Variants in C2CD3 observed in about 807,000 individuals in gnomAD.
C2CD3 encodes the protein C2 domain containing 3 centriole elongation regulator.
A neutral mutation model predicts 234.0 loss-of-function variants in C2CD3; 148 were observed. That is an observed-to-expected ratio of 0.63 (90% CI 0.55 to 0.72). The LOEUF is 0.72. Among genes scored for constraint, C2CD3 ranks in the 30% least tolerant of loss-of-function variants. The pLI is 0.00. For missense variants in C2CD3, 2,577 were observed against 2,811.5 expected (o/e 0.92, Z 1.89); for synonymous variants, 1,000 against 1,035.4 (o/e 0.97, Z 0.66).
intron 7 of C2CD3, among the ~76,000 whole-genome samples, chr11:74,131,452 G>C (rs1957678852): frequency 6.6e-6 from 1 of 151,944 alleles, no homozygotes; most frequent in Non-Finnish European, 1.5e-5. Context: ...AATCCTGCTT[G>C]GTCATAGTAT....
intron 11 of C2CD3, 69 bp from the exon 12 acceptor site, chr11:74,109,221 G>A (rs1451445016): frequency 2.7e-6 from 2 of 733,748 alleles, no homozygotes; most frequent in Non-Finnish European, 4.5e-6. Context: ...TTCATGCCTT[G>A]ATACCACCTG....
intron 8 of C2CD3, 45 bp from the exon 9 acceptor site, chr11:74,118,427 G>A: frequency 6.6e-7 from 1 of 1,506,904 alleles, no homozygotes; most frequent in South Asian, 1.2e-5. Context: ...TGCTGCTTTG[G>A]GAATTGTAGC....
At chr11:74,146,513 T>C (rs923379556) in intron 3 of C2CD3, among the ~76,000 whole-genome samples, 3 of 152,130 alleles carry the variant, frequency 2.0e-5, no homozygotes, top group South Asian at 2.1e-4. Context: ...TCCAAGGAAA[T>C]ACAGCTCTCT....
At position 74,049,333 on chromosome 11, in the gene C2CD3, A is replaced by T. The variant is rs762028403; in HGVS notation, c.5361+4T>A. On this transcript the variant is annotated splice_donor_region_variant and intron_variant, in intron 27 of 32. Coordinates refer to ENST00000334126, the MANE Select transcript of C2CD3 (RefSeq NM_001286577.2). ...TGGTTAGGGATGTGAATCTCCATAC[A>T]TACCAGTGATTTTGAGGTCTCCACT... 1.9e-6 allele frequency: 3 copies of T among 1,612,578 alleles called. No homozygotes were observed. In the East Asian group the frequency reaches 6.7e-5, roughly 36 times the overall value.
intron 31 of C2CD3, among the ~76,000 whole-genome samples, chr11:74,028,947 G>A (rs915451536): frequency 6.6e-6 from 1 of 152,204 alleles, no homozygotes. Flanking sequence ...TAGGTGCCCT[G>A]CACTGAAGGA....
intron 3 of C2CD3, among the ~76,000 whole-genome samples, chr11:74,156,383 G>A (rs1051803173): frequency 2.0e-5 from 3 of 148,276 alleles, no homozygotes; most frequent in African/African-American, 7.6e-5. Context: ...GATTGCTGGA[G>A]CCCAGGAGGT....
chr11:74,042,266 T>C, intron 28 of C2CD3, 48 bp from the exon 29 acceptor site: 2 of 1,559,920 alleles, frequency 1.3e-6, no homozygotes, highest in Non-Finnish European at 1.7e-6. Flanking sequence ...AAATTCCCAA[T>C]CAATGAGAAC....
At chr11:74,061,500 C>T (rs1263192143) in intron 24 of C2CD3, among the ~76,000 whole-genome samples, 1 of 152,166 alleles carries the variant, frequency 6.6e-6, no homozygotes, top group Non-Finnish European at 1.5e-5. Flanking sequence ...GAATTTTCAA[C>T]CCAGAATTTC....
At chr11:74,170,175 C>G (rs1328514822) in intron 1 of C2CD3, among the ~76,000 whole-genome samples, 1 of 152,112 alleles carries the variant, frequency 6.6e-6, no homozygotes, top group Non-Finnish European at 1.5e-5. Flanking sequence ...GCCCTTACCC[C>G]CACTCCAATC....
At chr11:74,015,309 T>C (rs1368925460) in intron 32 of C2CD3, among the ~76,000 whole-genome samples, 2 of 152,208 alleles carry the variant, frequency 1.3e-5, no homozygotes, top group East Asian at 3.9e-4. Flanking sequence ...TGTAGTAAGC[T>C]TCTCATTCAT....
chr11:74,117,044 G>A (rs1478294389), intron 9 of C2CD3, among the ~76,000 whole-genome samples: 91 of 48,700 alleles, frequency 1.9e-3, no homozygotes, highest in Non-Finnish European at 3.7e-3. Flanking sequence ...ATATACGTGT[G>A]TGTGTATATA....
chr11:74,039,225 T>C (rs1952895266), intron 29 of C2CD3, among the ~76,000 whole-genome samples: 1 of 152,106 alleles, frequency 6.6e-6, no homozygotes, highest in African/African-American at 2.4e-5. Flanking sequence ...TGTAGAACCA[T>C]GGCATGTCAA....
intron 7 of C2CD3, among the ~76,000 whole-genome samples, chr11:74,126,569 C>T (rs1242240677): frequency 1.3e-5 from 2 of 152,064 alleles, no homozygotes; most frequent in East Asian, 3.9e-4. Context: ...ACGGTGAAAC[C>T]CCATCTCTAC....
chr11:74,020,641 A>G (rs564950815), intron 32 of C2CD3, among the ~76,000 whole-genome samples: 1 of 152,352 alleles, frequency 6.6e-6, no homozygotes, highest in South Asian at 2.1e-4. Context: ...GAACTTAGAT[A>G]TAAGGCTGGC....
At chr11:74,154,790 T>C (rs951595952) in intron 3 of C2CD3, among the ~76,000 whole-genome samples, 3 of 152,148 alleles carry the variant, frequency 2.0e-5, no homozygotes, top group Admixed American at 2.0e-4. Flanking sequence ...GGTTGCAGTC[T>C]GTGAACTCCT....
intron 20 of C2CD3, among the ~76,000 whole-genome samples, chr11:74,090,238 TCAAA>T (rs1396457412): frequency 6.6e-6 from 1 of 152,042 alleles, no homozygotes; most frequent in African/African-American, 2.4e-5. Context: ...CTGAATAAGA[TCAAA>T]CATAGGCCAG....
In C2CD3 at chr11:74,129,764, C is replaced by T. The variant is rs543989030; in HGVS notation, c.1217+3080G>A. 2.3e-3 allele frequency: 432 copies of T among 189,036 alleles called. 2 individuals carry two copies. The highest frequency in any genetic ancestry group is 4.3e-3 in the Middle Eastern group (2 of 470). 11.7% of individuals were successfully genotyped at this position (189,036 alleles called of 1,614,324 possible). ...GTTGTAGCGAGCCGATATCACGCCACTGCACTCCAGCCTGGGCACCATTGA... is the reference window on the plus strand; with the variant it reads ...GTTGTAGCGAGCCGATATCACGCCATTGCACTCCAGCCTGGGCACCATTGA... On this transcript the variant is annotated intron_variant, in intron 7 of 32. Transcript: ENST00000334126.
At chr11:74,085,462 C>T (rs941248692) in intron 21 of C2CD3, 156 bp downstream of exon 21, 5 of 698,896 alleles carry the variant, frequency 7.2e-6, no homozygotes, top group Non-Finnish European at 9.4e-6. Flanking sequence ...ATACTTAGTA[C>T]ATATCCTTAT....
rs1052944507 is a variant in C2CD3, at chr11:74,033,265, C to A, written c.6809+86G>T. Reference sequence around the variant, plus strand: ...TCTTTCCATGCCCCCTAGTGCATTCCATGAGGGTGGCCACTTGCTCACACT... The same window carrying A: ...TCTTTCCATGCCCCCTAGTGCATTCAATGAGGGTGGCCACTTGCTCACACT... On this transcript the variant is annotated intron_variant, in intron 31 of 32. Transcript: ENST00000334126. 3.5e-6 allele frequency: 4 copies of A among 1,132,020 alleles called. No homozygotes were observed. The South Asian group carries it at 4.6e-5, about 13-fold the overall frequency. 70.1% of individuals were successfully genotyped at this position (1,132,020 alleles called of 1,614,324 possible). A position where few individuals can be genotyped will look rare whatever the true frequency, so the allele number is the denominator to read the frequency against.
Sources: gnomAD v4.1 joint callset for allele counts (sites outside exome capture counted in the v4.1 genomes callset) on GRCh38, gnomAD v4.1.1 for gene constraint, MANE v1.5 for transcripts, NCBI Gene and HGNC (gene_info 2026-07-23, HGNC 2026-07-21) for gene names.